ATP13A2: variants seen among roughly 807,000 people sequenced by gnomAD.
ATP13A2 encodes polyamine-transporting ATPase 13A2.
ATP13A2 carries 83 observed loss-of-function variants against 138.3 expected under a neutral mutation model. The ratio of observed to expected loss-of-function variants is 0.60; its 90% CI spans 0.50 to 0.72. The LOEUF is 0.72. Ranked by LOEUF, ATP13A2 falls within the 30% of genes least tolerant of loss-of-function variation. ATP13A2 has a pLI of 0.00. For missense variants in ATP13A2, 1,402 were observed against 1,606.4 expected (o/e 0.87, Z 2.17); for synonymous variants, 663 against 699.0 (o/e 0.95, Z 0.81).
At chr1:16,994,775 G>A (rs1458495501) in intron 15 of ATP13A2, among the ~76,000 whole-genome samples, 1 of 152,048 alleles carries the variant, frequency 6.6e-6, no homozygotes, top group East Asian at 1.9e-4. Flanking sequence ...CGATTCTCCT[G>A]CCCCAGCCTC....
Position 16,992,073 on chromosome 1 carries a change from C to A in ATP13A2, c.2062G>T (p.Val688Leu). 1 of 1,613,278 alleles carries A rather than the reference C, an allele frequency of 6.2e-7. No homozygotes were observed. Among genetic ancestry groups the A allele is most frequent in the Non-Finnish European group, 8.5e-7 (1 of 1,179,816 alleles). The part of the protein sequence containing the change: ...QSYTAAGYRV[V>L]ALASKPLPTV... ...GGCAGTGGCTTGCTGGCCAGGGCCA[C>A]GACACGGTAGCCAGCAGCTGTATAG... The change falls in exon 19 of 29, where the codon GTG becomes TTG. Residue 688 changes from valine (V) to leucine (L), a missense_variant. Transcript: ENST00000326735.
Position 16,996,496 on chromosome 1 carries a change from C to T in ATP13A2, c.1196G>A (p.Gly399Glu), listed in dbSNP as rs2100897670. The T allele has an allele frequency of 6.2e-7, 1 of 1,613,766 alleles. No homozygotes were observed. The highest frequency in any genetic ancestry group is 8.5e-7 in the Non-Finnish European group (1 of 1,179,864). The change falls in exon 13 of 29, where the codon GGG becomes GAG. Residue 399 changes from glycine (G) to glutamate (E), a missense_variant and splice_region_variant. Gly to Glu is a moderately conservative substitution (Grantham distance 98, BLOSUM62 -2). Coordinates refer to ENST00000326735, the MANE Select transcript of ATP13A2 (RefSeq NM_022089.4). ...CAGGCCCCCTTTTGCCGTGCAGAAC[C>T]CTGGGGAGGAGGCGGGGACCCCAAG... ...PHVLAVVTRT[G>E]FCTAKGGLVS...
intron 1 of ATP13A2, among the ~76,000 whole-genome samples, chr1:17,006,552 G>A (rs1278985343): frequency 6.6e-6 from 1 of 152,112 alleles, no homozygotes; most frequent in African/African-American, 2.4e-5. Context: ...TGCTTGGCCA[G>A]TAGTGTCTTG....
At position 17,004,285 on chromosome 1, in the gene ATP13A2, G is replaced by C. The variant is rs2077468926; in HGVS notation, c.557+47C>G. 6.3e-7 allele frequency: 1 copy of C among 1,590,398 alleles called. No individual in the cohort carries two copies. The highest frequency in any genetic ancestry group is 1.3e-5 in the African/African-American group (1 of 74,198). On this transcript the variant is annotated intron_variant, in intron 6 of 28. Coordinates refer to ENST00000326735, the MANE Select transcript of ATP13A2 (RefSeq NM_022089.4). The surrounding 1 kb of genome is among the most constrained non-coding windows in gnomAD (Gnocchi z 4.1). ...CATGCCACCGTCTGTGCCCAAACCAGTGCCACTCTGGGAGGTGACATGAGC... is the reference window on the plus strand; with the variant it reads ...CATGCCACCGTCTGTGCCCAAACCACTGCCACTCTGGGAGGTGACATGAGC...
Position 17,000,508 on chromosome 1 carries a change from C to G in ATP13A2, c.732G>C (p.Gln244His). The G allele has an allele frequency of 6.2e-7, 1 of 1,614,054 alleles. No individual in the cohort carries two copies. Residue 244 changes from glutamine (Q) to histidine (H), a missense_variant, in exon 9 of 29, where the codon CAG becomes CAC. Gln to His is a conservative substitution (Grantham distance 24). Transcript: ENST00000326735. The stretch of plus-strand genomic sequence containing the variant: ...CCAGCCACAGCGCGATGCTGAAGGC[C>G]TGGAACCCATAGTAGGGGTTCAGTG... Reference protein sequence around the residue: ...DEALNPYYGFQAFSIALWLAD... With the variant: ...DEALNPYYGFHAFSIALWLAD...
intron 1 of ATP13A2, among the ~76,000 whole-genome samples, chr1:17,010,566 T>C (rs2077748052): frequency 6.6e-6 from 1 of 152,178 alleles, no homozygotes; most frequent in Non-Finnish European, 1.5e-5. Context: ...GTCATAGAGC[T>C]TGAAAGGGGA....
intron 8 of ATP13A2, 110 bp from the exon 9 acceptor site, chr1:17,000,644 A>C: frequency 7.1e-7 from 1 of 1,405,076 alleles, no homozygotes; most frequent in Non-Finnish European, 9.6e-7. Context: ...CTGCCAAAGG[A>C]CTGGAGCCAG....
intron 1 of ATP13A2, among the ~76,000 whole-genome samples, chr1:17,008,265 C>G (rs938069281): frequency 2.0e-5 from 3 of 152,166 alleles, no homozygotes; most frequent in African/African-American, 7.2e-5. Context: ...ACCTCAGCCT[C>G]CAAATAGCTG....
chr1:16,996,500 GGGA>G lies in ATP13A2; in HGVS notation c.1196-7_1196-5del, dbSNP rs1309031366. 5 of 1,613,328 alleles carry G rather than the reference GGGA, an allele frequency of 3.1e-6. No individual in the cohort carries two copies. Among genetic ancestry groups the G allele is most frequent in the Non-Finnish European group, 4.2e-6 (5 of 1,179,562 alleles). On this transcript the variant is annotated splice_polypyrimidine_tract_variant and splice_region_variant and intron_variant, in intron 12 of 28. Coordinates refer to ENST00000326735, the MANE Select transcript of ATP13A2 (RefSeq NM_022089.4). ...CCCCCTTTTGCCGTGCAGAACCCTGGGGAGGAGGCGGGGACCCCAAGGCAGGGA... is the reference window on the plus strand; with the variant it reads ...CCCCCTTTTGCCGTGCAGAACCCTGGGGAGGCGGGGACCCCAAGGCAGGGA...
chr1:16,992,495 C>A lies in ATP13A2; in HGVS notation c.1836G>T (p.Leu612=). 1 of 1,614,142 alleles carries A rather than the reference C, an allele frequency of 6.2e-7. No individual in the cohort carries two copies. The highest frequency in any genetic ancestry group is 8.5e-7 in the Non-Finnish European group (1 of 1,179,996). ...VMRPPLWEPQ[L]QAMEEPPVPV... ...GCCCCCCTCAGCTCACCATTGCCTG[C>A]AGCTGGGGCTCCCAAAGTGGGGGTC... The change falls in exon 17 of 29, where the codon CTG becomes CTT. Residue 612 remains leucine (L), a synonymous_variant. Coordinates refer to ENST00000326735, the MANE Select transcript of ATP13A2 (RefSeq NM_022089.4).
At position 17,004,217 on chromosome 1, in the gene ATP13A2, G is replaced by T; in HGVS notation, c.557+115C>A. On this transcript the variant is annotated intron_variant, in intron 6 of 28. Transcript: ENST00000326735. This position sits in a 1 kb window ranked among gnomAD's most constrained non-coding sequence, Gnocchi z 4.1. ...GCTCAGTAACCTGCCCAAGGTTTCAGACAGCAAAAGCATCAGAGCTGAGAG... is the reference window on the plus strand; with the variant it reads ...GCTCAGTAACCTGCCCAAGGTTTCATACAGCAAAAGCATCAGAGCTGAGAG... 8.8e-7 allele frequency: 1 copy of T among 1,132,534 alleles called. No individual in the cohort carries two copies. The highest frequency in any genetic ancestry group is 1.3e-6 in the Non-Finnish European group (1 of 766,912). 70.2% of individuals were successfully genotyped at this position (1,132,534 alleles called of 1,614,324 possible).
rs1269917205 is a variant in ATP13A2 at position 17,000,510 on chromosome 1, G to A, written c.730C>T (p.Gln244Ter). 1.2e-6 allele frequency: 2 copies of A among 1,613,934 alleles called. No homozygotes were observed. The change falls in exon 9 of 29, where the codon CAG becomes TAG. Residue 244 changes from glutamine (Q) to a stop codon, truncating the protein, a stop_gained. Transcript: ENST00000326735. LOFTEE classifies it high-confidence loss of function. Reference protein sequence around the residue: ...DEALNPYYGFQAFSIALWLAD... With the variant: ...DEALNPYYGF ...AGCCACAGCGCGATGCTGAAGGCCT[G>A]GAACCCATAGTAGGGGTTCAGTGCC...
chr1:16,992,036 C>T lies in ATP13A2; in HGVS notation c.2099G>A (p.Ser700Asn), dbSNP rs2076950110. 1 of 1,613,142 alleles carries T rather than the reference C, an allele frequency of 6.2e-7. No individual in the cohort carries two copies. The highest frequency in any genetic ancestry group is 1.3e-5 in the African/African-American group (1 of 74,950). Residue 700 changes from serine (S) to asparagine (N), a missense_variant, in exon 19 of 29, where the codon AGC (serine) becomes AAC (asparagine). By Grantham distance (46) the Ser-to-Asn change is conservative. Coordinates refer to ENST00000326735, the MANE Select transcript of ATP13A2 (RefSeq NM_022089.4). ...CGTCAGTTGCTGGGCTGCCTCCAGG[C>T]TGGGCACAGTGGGCAGTGGCTTGCT... is the stretch of plus-strand genomic sequence containing the variant. ...LASKPLPTVP[S>N]LEAAQQLTRD...
chr1:17,004,453 G>A lies in ATP13A2; in HGVS notation c.478-42C>T, dbSNP rs946088483. Reference sequence around the variant, plus strand: ...AGAGGATGGGTTGGAAGCTGGCCCCGGCCCCAGAAGCAGTGTGCTTATGCT... The same window carrying A: ...AGAGGATGGGTTGGAAGCTGGCCCCAGCCCCAGAAGCAGTGTGCTTATGCT... On this transcript the variant is annotated intron_variant, in intron 5 of 28. Transcript: ENST00000326735. This position sits in a 1 kb window ranked among gnomAD's most constrained non-coding sequence, Gnocchi z 4.1. 5.6e-6 allele frequency: 9 copies of A among 1,605,064 alleles called. No individual in the cohort carries two copies. Among genetic ancestry groups the A allele is most frequent in the Admixed American group, 5.0e-5 (3 of 59,480 alleles).
Position 17,000,045 on chromosome 1 carries a change from G to A in ATP13A2, c.1005C>T (p.Ala335=), listed in dbSNP as rs56290406. 54,360 of 1,612,546 alleles carry A rather than the reference G, an allele frequency of 0.034. 1,103 individuals carry two copies. Among genetic ancestry groups the A allele is most frequent in the African/African-American group, 0.067 (5,047 of 75,008 alleles). The change falls in exon 11 of 29, where the codon GCC becomes GCT. Residue 335 remains alanine (A), a synonymous_variant. Transcript: ENST00000326735. ...AGCTCTCATTCACCATGCACTCGCC[G>A]GCCACCAGGGCGGCATCACAGGGCA... ...GLMPCDAALV[A]GECMVNESSL...
At position 16,987,145 on chromosome 1, in the gene ATP13A2, G is replaced by T; in HGVS notation, c.2984C>A (p.Ala995Glu). 6.2e-7 allele frequency: 1 copy of T among 1,612,962 alleles called. No homozygotes were observed. Among genetic ancestry groups the T allele is most frequent in the Admixed American group, 1.7e-5 (1 of 59,980 alleles). ...LVLGRVRPPG[A>E]LLSVPVLSSL... ...GCTGAGCACGGGCACGCTGAGCAGC[G>T]CCCCCGGTGGCCGCACCCGTCCCAG... The change falls in exon 26 of 29, where the codon GCG becomes GAG. Residue 995 changes from alanine to glutamate, a missense_variant. Ala to Glu is a moderately radical substitution (Grantham distance 107). Transcript: ENST00000326735.
chr1:17,005,445 C>A lies in ATP13A2; in HGVS notation c.217G>T (p.Val73Leu), dbSNP rs1264349572. Residue 73 changes from valine (V) to leucine (L), a missense_variant, in exon 3 of 29, where the codon GTG becomes TTG. Coordinates refer to ENST00000326735, the MANE Select transcript of ATP13A2 (RefSeq NM_022089.4). ...TTGCAGGGCCGGAGCCGCAGCCGCA[C>A]CCCCCACAGGGGCTTCCAACGGAAG... ...LLFRWKPLWG[V>L]RLRLRPCNLA... 2.5e-6 allele frequency: 4 copies of A among 1,614,052 alleles called. No individual in the cohort carries two copies. Among genetic ancestry groups the A allele is most frequent in the Admixed American group, 3.3e-5 (2 of 59,992 alleles).
Position 17,000,430 on chromosome 1 carries a change from G to A in ATP13A2, c.810C>T (p.Ser270=). The change falls in exon 9 of 29, where the codon TCC becomes TCT. Residue 270 remains serine (S), a synonymous_variant. Coordinates refer to ENST00000326735, the MANE Select transcript of ATP13A2 (RefSeq NM_022089.4). Reference sequence around the variant, plus strand: ...TGGTCTTGTACAGCGACAGGCAGATGGAGATGGAGGAAATGAGGAAGATGC... The same window carrying A: ...TGGTCTTGTACAGCGACAGGCAGATAGAGATGGAGGAAATGAGGAAGATGC... ...ALCIFLISSI[S]ICLSLYKTRK... 1 of 1,614,046 alleles carries A rather than the reference G, an allele frequency of 6.2e-7. No homozygotes were observed. The highest frequency in any genetic ancestry group is 8.5e-7 in the Non-Finnish European group (1 of 1,179,944).
chr1:17,000,146 C>T lies in ATP13A2; in HGVS notation c.908-4G>A. The T allele has an allele frequency of 1.2e-6, 2 of 1,613,110 alleles. No homozygotes were observed. The highest frequency in any genetic ancestry group is 1.1e-5 in the South Asian group (1 of 91,070). On this transcript the variant is annotated splice_polypyrimidine_tract_variant and splice_region_variant and intron_variant, in intron 10 of 28. Coordinates refer to ENST00000326735, the MANE Select transcript of ATP13A2 (RefSeq NM_022089.4). The stretch of plus-strand genomic sequence containing the variant: ...CTGGAGTCCACCCACTCTTCCTCTG[C>T]AGGCAGGCAGGAGAGGAGCTCAGCT...
Sources: gnomAD v4.1 joint callset for allele counts (sites outside exome capture counted in the v4.1 genomes callset) on GRCh38, gnomAD v4.1.1 for gene constraint, Gnocchi (gnomAD v3.1) non-coding constraint, MANE v1.5 for transcripts, NCBI Gene and HGNC (gene_info 2026-07-23, HGNC 2026-07-21) for gene names.